HIVEP3: variants seen among roughly 807,000 people sequenced by gnomAD.
HIVEP3 encodes HIVEP zinc finger 3.
In HIVEP3, 49 loss-of-function variants were observed where a neutral mutation model predicts 152.8. The ratio of observed to expected loss-of-function variants is 0.32; its 90% CI spans 0.26 to 0.41. HIVEP3 has a LOEUF of 0.41. Ranked by LOEUF, HIVEP3 falls within the 10% of genes least tolerant of loss-of-function variation. The pLI, the probability that HIVEP3 is intolerant of heterozygous loss-of-function variation, is 1.00. For missense variants in HIVEP3, 2,790 were observed against 3,103.3 expected (o/e 0.90, Z 2.40); for synonymous variants, 1,269 against 1,289.0 (o/e 0.98, Z 0.33).
intron 5 of HIVEP3, among the ~76,000 whole-genome samples, chr1:41,551,210 G>A (rs61361114): frequency 0.058 from 8,855 of 152,222 alleles, 354 homozygotes; most frequent in African/African-American, 0.11. Context: ...CCATCCTTGC[G>A]TCCCAGGGAT....
intron 1 of HIVEP3, among the ~76,000 whole-genome samples, chr1:41,839,521 G>GTGGGCAC (rs1643223775): frequency 6.6e-6 from 1 of 152,226 alleles, no homozygotes; most frequent in South Asian, 2.1e-4. Context: ...AGGGCCACCT[G>GTGGGCAC]TGGGCACCCC....
Position 41,741,881 on chromosome 1 carries a change from G to A in HIVEP3, c.-800-40886C>T, listed in dbSNP as rs148641296. On this transcript the variant is annotated intron_variant, in intron 1 of 8. Transcript: ENST00000372583. ...TCTGTAGGATGCCAGAAACATAGTA[G>A]GTACTCAGCAAATCTGAGCTTTTCC... 7.3e-3 allele frequency among the ~76,000 whole-genome samples: 1,117 copies of A among 152,310 alleles called. 8 individuals are homozygous for A. Among genetic ancestry groups the A allele is most frequent in the African/African-American group, 0.024 (979 of 41,564 alleles).
chr1:42,028,597 A>C (rs1645595228), intron 1 of HIVEP3, among the ~76,000 whole-genome samples: 2 of 152,286 alleles, frequency 1.3e-5, no homozygotes, highest in Middle Eastern at 3.4e-3. Flanking sequence ...ACCTATCTAG[A>C]GTCCAATTAG....
At chr1:41,804,927 G>T (rs1460545767) in intron 1 of HIVEP3, among the ~76,000 whole-genome samples, 2 of 152,194 alleles carry the variant, frequency 1.3e-5, no homozygotes, top group African/African-American at 4.8e-5. Flanking sequence ...CAGAAGACAA[G>T]AGCTAATTCT....
chr1:41,533,127 G>A lies in HIVEP3; in HGVS notation c.5208-8217C>T, dbSNP rs1022394619. On this transcript the variant is annotated intron_variant, in intron 5 of 8. Transcript: ENST00000372583. This position sits in a 1 kb window ranked among gnomAD's most constrained non-coding sequence, Gnocchi z 4.3. Reference sequence around the variant, plus strand: ...GAGGGCAGTCCTGGTTCAACGACCTGGAACCTGTGGCTCCTCTGCTCGTTG... The same window carrying A: ...GAGGGCAGTCCTGGTTCAACGACCTAGAACCTGTGGCTCCTCTGCTCGTTG... 1.3e-5 allele frequency among the ~76,000 whole-genome samples: 2 copies of A among 152,146 alleles called. No homozygotes were observed. Among genetic ancestry groups the A allele is most frequent in the African/African-American group, 4.8e-5 (2 of 41,400 alleles).
chr1:41,549,176 A>G (rs906706832), intron 5 of HIVEP3, among the ~76,000 whole-genome samples: 13 of 152,148 alleles, frequency 8.5e-5, no homozygotes, highest in Admixed American at 7.2e-4. Flanking sequence ...TTCCAGCTGC[A>G]TCCATGTCCC....
chr1:41,972,231 TTTCC>T (rs1645233941), intron 1 of HIVEP3, among the ~76,000 whole-genome samples: 1 of 152,186 alleles, frequency 6.6e-6, no homozygotes, highest in African/African-American at 2.4e-5. Context: ...CTATGACGTC[TTTCC>T]ACCTCCCCTC....
At chr1:41,753,795 G>A (rs373374828) in intron 1 of HIVEP3, among the ~76,000 whole-genome samples, 3 of 152,154 alleles carry the variant, frequency 2.0e-5, no homozygotes, top group South Asian at 4.1e-4. Context: ...TTATTGAGCA[G>A]GCATCATGTG....
intron 1 of HIVEP3, among the ~76,000 whole-genome samples, chr1:41,731,516 G>T (rs1484574167): frequency 6.6e-6 from 1 of 152,214 alleles, no homozygotes; most frequent in East Asian, 1.9e-4. Flanking sequence ...TAACTAACAG[G>T]ATGTCGTGGG....
intron 1 of HIVEP3, among the ~76,000 whole-genome samples, chr1:41,811,183 A>T (rs112565612): frequency 6.6e-6 from 1 of 151,224 alleles, no homozygotes; most frequent in Admixed American, 6.6e-5. Flanking sequence ...GCTAGTGAAT[A>T]GTCTCCTGGG....
At chr1:41,624,065 C>T (rs967056722) in intron 3 of HIVEP3, among the ~76,000 whole-genome samples, 5 of 152,192 alleles carry the variant, frequency 3.3e-5, no homozygotes, top group Admixed American at 2.0e-4. Flanking sequence ...TCCCAAGCCT[C>T]AGCAGAAGCT....
rs528788623 is a variant in HIVEP3, at chr1:41,632,220, C to T, written c.-720-3273G>A. Among the ~76,000 whole-genome samples, 4 of 152,306 alleles carry T rather than the reference C, an allele frequency of 2.6e-5. No homozygotes were observed. In the South Asian group the frequency reaches 8.3e-4, roughly 32 times the overall value. ...CCTGTCACACACAGTCAGTGTGGAA[C>T]AATTCTCTTTAGCGCCCAAGTTGGT... On this transcript the variant is annotated intron_variant, in intron 2 of 8. Coordinates refer to ENST00000372583, the MANE Select transcript of HIVEP3 (RefSeq NM_024503.5).
At chr1:41,994,122 C>T (rs1645380970) in intron 1 of HIVEP3, among the ~76,000 whole-genome samples, 1 of 150,580 alleles carries the variant, frequency 6.6e-6, no homozygotes, top group Non-Finnish European at 1.5e-5. Context: ...GCACAATGTG[C>T]ACATGTACCC....
intron 2 of HIVEP3, among the ~76,000 whole-genome samples, chr1:41,693,742 C>T (rs149706563): frequency 8.4e-4 from 128 of 152,306 alleles, no homozygotes; most frequent in African/African-American, 2.9e-3. Context: ...AATATTCCCT[C>T]GTTGTCTTTC....
At chr1:41,784,481 T>C (rs1017914438) in intron 1 of HIVEP3, among the ~76,000 whole-genome samples, 33 of 152,232 alleles carry the variant, frequency 2.2e-4, no homozygotes, top group Admixed American at 1.1e-3. Context: ...ATATTTCTAC[T>C]GGACAGCATT....
chr1:41,945,195 C>T (rs1418243547), intron 1 of HIVEP3, among the ~76,000 whole-genome samples: 4 of 152,152 alleles, frequency 2.6e-5, no homozygotes, highest in Admixed American at 1.3e-4. Flanking sequence ...CCCCTGACTC[C>T]TTCCCCAACT....
At chr1:41,526,767 TC>T (rs1642952415) in intron 5 of HIVEP3, among the ~76,000 whole-genome samples, 1 of 60,818 alleles carries the variant, frequency 1.6e-5, no homozygotes, top group Non-Finnish European at 3.4e-5. Context: ...ACACTCACCC[TC>T]ACACTCACCC....
intron 4 of HIVEP3, among the ~76,000 whole-genome samples, chr1:41,579,341 G>C (rs1345159634): frequency 6.6e-6 from 1 of 152,162 alleles, no homozygotes; most frequent in Non-Finnish European, 1.5e-5. Flanking sequence ...ACAAGACAAG[G>C]GATATCCATA....
At chr1:41,916,253 G>T (rs1160578611) in intron 1 of HIVEP3, among the ~76,000 whole-genome samples, 1 of 152,216 alleles carries the variant, frequency 6.6e-6, no homozygotes, top group Non-Finnish European at 1.5e-5. Flanking sequence ...GGCGGAGACA[G>T]CTCAACAATA....
Sources: gnomAD v4.1 joint callset for allele counts (sites outside exome capture counted in the v4.1 genomes callset) on GRCh38, gnomAD v4.1.1 for gene constraint, Gnocchi (gnomAD v3.1) non-coding constraint, MANE v1.5 for transcripts, NCBI Gene and HGNC (gene_info 2026-07-23, HGNC 2026-07-21) for gene names.